Variants in NBAS observed in about 807,000 individuals in gnomAD.
The protein encoded by NBAS is NAG/BC035112 fusion.
A neutral mutation model predicts 302.5 loss-of-function variants in NBAS; 219 were observed. The observed-to-expected ratio is 0.72, with a 90% confidence interval of 0.65 to 0.81. The LOEUF is 0.81. Among genes scored for constraint, NBAS ranks in the 30% least tolerant of loss-of-function variants. The pLI, the probability that NBAS is intolerant of heterozygous loss-of-function variation, is 0.00. For synonymous variants in NBAS, 1,118 were observed against 1,021.6 expected, an observed-to-expected ratio of 1.09 and a Z score of -1.80; for missense variants, 2,932 against 2,841.6, an observed-to-expected ratio of 1.03 and a Z score of -0.72.
At chr2:15,368,540 T>C (rs914725636) in intron 31 of NBAS, among the ~76,000 whole-genome samples, 5 of 152,162 alleles carry the variant, frequency 3.3e-5, no homozygotes, top group African/African-American at 1.2e-4. Context: ...ACAACAATAA[T>C]CCTGTTGTGT....
At chr2:15,393,005 T>C (rs1383385358) in intron 28 of NBAS, among the ~76,000 whole-genome samples, 3 of 151,994 alleles carry the variant, frequency 2.0e-5, no homozygotes, top group Non-Finnish European at 4.4e-5. Flanking sequence ...GGTAATTCAG[T>C]AGAGAAAGGA....
chr2:15,344,733 C>T (rs940838933), intron 35 of NBAS, among the ~76,000 whole-genome samples: 4 of 152,178 alleles, frequency 2.6e-5, no homozygotes, highest in Non-Finnish European at 5.9e-5. Flanking sequence ...AGGCCAATAT[C>T]GCTGATGAAC....
the NBAS span, among the ~76,000 whole-genome samples, chr2:14,958,588 T>C: frequency 6.6e-6 from 1 of 152,136 alleles, no homozygotes; most frequent in Non-Finnish European, 1.5e-5. Context: ...GGAAAGGATA[T>C]GGTAAGAGCA....
chr2:15,533,701 T>C (rs964022469), intron 9 of NBAS, among the ~76,000 whole-genome samples: 10 of 149,758 alleles, frequency 6.7e-5, no homozygotes, highest in Non-Finnish European at 1.3e-4. Context: ...TGTGTGTGTG[T>C]GTGTGTGTGT....
the NBAS span, among the ~76,000 whole-genome samples, chr2:15,037,940 T>C: frequency 6.6e-6 from 1 of 152,108 alleles, no homozygotes; most frequent in Non-Finnish European, 1.5e-5. Context: ...GGTGCTGTGG[T>C]ACCAATGGCC....
the NBAS span, among the ~76,000 whole-genome samples, chr2:15,065,405 A>G: frequency 6.6e-6 from 1 of 152,140 alleles, no homozygotes; most frequent in Admixed American, 6.5e-5. Flanking sequence ...AGACAGAGCA[A>G]TTAGGCAAGA....
chr2:15,125,032 A>G, the NBAS span, among the ~76,000 whole-genome samples: 20,766 of 152,124 alleles, frequency 0.14, 2,685 homozygotes, highest in African/African-American at 0.33. Context: ...CCCAAGAATG[A>G]TAGATCTCCC....
At chr2:15,548,257 GA>G (rs531596791) in intron 6 of NBAS, among the ~76,000 whole-genome samples, 13 of 149,094 alleles carry the variant, frequency 8.7e-5, no homozygotes, top group South Asian at 8.4e-4. Context: ...TGCTAAGCAC[GA>G]AAAAAAAAAG....
the NBAS span, among the ~76,000 whole-genome samples, chr2:15,066,941 A>G: frequency 6.6e-6 from 1 of 152,180 alleles, no homozygotes; most frequent in Non-Finnish European, 1.5e-5. Context: ...TAGCCAAGAT[A>G]AGGAATCAAC....
At chr2:15,453,765 A>T (rs1200075463) in intron 21 of NBAS, among the ~76,000 whole-genome samples, 1 of 152,008 alleles carries the variant, frequency 6.6e-6, no homozygotes, top group Non-Finnish European at 1.5e-5. Context: ...ATACTATAGT[A>T]ACAGCTTTTC....
chr2:15,113,959 T>C, the NBAS span, among the ~76,000 whole-genome samples: 17 of 152,288 alleles, frequency 1.1e-4, no homozygotes, highest in Middle Eastern at 3.4e-3. Context: ...TATGTGCCTC[T>C]TGGTGAAAGA....
chr2:15,121,975 C>T, the NBAS span, among the ~76,000 whole-genome samples: 2 of 152,120 alleles, frequency 1.3e-5, no homozygotes, highest in Admixed American at 1.3e-4. Flanking sequence ...TTCATCAGAC[C>T]ACCAGTGGGG....
At chr2:15,017,767 T>C in the NBAS span, among the ~76,000 whole-genome samples, 1 of 152,044 alleles carries the variant, frequency 6.6e-6, no homozygotes, top group Admixed American at 6.6e-5. Context: ...CAAATAGAAC[T>C]ACCATATGAT....
the NBAS span, among the ~76,000 whole-genome samples, chr2:15,043,010 G>C: frequency 6.6e-6 from 1 of 152,138 alleles, no homozygotes; most frequent in Non-Finnish European, 1.5e-5. Flanking sequence ...AGTAAAACTT[G>C]CTTTACAAAA....
chr2:15,245,648 C>T (rs137929248), intron 44 of NBAS, among the ~76,000 whole-genome samples: 1,164 of 59,298 alleles, frequency 0.02, 9 homozygotes, highest in African/African-American at 0.066. Flanking sequence ...GATGGATGGA[C>T]GGACGGACGG....
chr2:14,909,366 TAAAAAAAA>T, the NBAS span, among the ~76,000 whole-genome samples: 1 of 78,578 alleles, frequency 1.3e-5, no homozygotes, highest in African/African-American at 5.5e-5. Context: ...GGAGAGTTTC[TAAAAAAAA>T]AAAAAAAAAA....
In NBAS at chr2:15,478,296, A is replaced by G. The variant is rs1274726935; in HGVS notation, c.1084-7T>C. 2 of 1,600,914 alleles carry G rather than the reference A, an allele frequency of 1.2e-6. No individual in the cohort carries two copies. The highest frequency in any genetic ancestry group is 1.7e-6 in the Non-Finnish European group (2 of 1,168,264). On this transcript the variant is annotated splice_polypyrimidine_tract_variant and splice_region_variant and intron_variant, in intron 12 of 51. Coordinates refer to ENST00000281513, the MANE Select transcript of NBAS (RefSeq NM_015909.4). ...TAAGGTCATCATAGCCTGGCTAAATATGAAAATAATGACTTCCTGAGTGAA... is the reference window on the plus strand; with the variant it reads ...TAAGGTCATCATAGCCTGGCTAAATGTGAAAATAATGACTTCCTGAGTGAA...
the NBAS span, among the ~76,000 whole-genome samples, chr2:15,117,821 G>T: frequency 1.3e-5 from 2 of 152,082 alleles, no homozygotes; most frequent in Non-Finnish European, 2.9e-5. Flanking sequence ...CTGCTTACAG[G>T]CCACACCCTC....
chr2:15,039,441 G>A, the NBAS span, among the ~76,000 whole-genome samples: 3,466 of 152,204 alleles, frequency 0.023, 114 homozygotes, highest in African/African-American at 0.072. Context: ...TCACAGGCTC[G>A]TCAGTGACTC....
Sources: allele counts gnomAD v4.1 joint callset (sites outside exome capture counted in the v4.1 genomes callset), GRCh38; gene constraint gnomAD v4.1.1; transcripts MANE v1.5; gene names NCBI Gene and HGNC (gene_info 2026-07-23, HGNC 2026-07-21).